MAPDA: variants seen among roughly 807,000 people sequenced by gnomAD.
MAPDA encodes N6,N6-dimethyl-AMP deaminase.
the MAPDA span, chr15:43,335,870 C>G: frequency 6.3e-7 from 1 of 1,583,082 alleles, no homozygotes; most frequent in East Asian, 2.2e-5. Context: ...TTTTCTCTAT[C>G]AGTATTTTGA....
At chr15:43,347,778 A>G in the MAPDA span, among the ~76,000 whole-genome samples, 1 of 152,260 alleles carries the variant, frequency 6.6e-6, no homozygotes, top group South Asian at 2.1e-4. Flanking sequence ...GGGGTAATGT[A>G]TAAAGGTTGA....
chr15:43,330,392 A>C, the MAPDA span: 1 of 1,585,080 alleles, frequency 6.3e-7, no homozygotes, highest in Non-Finnish European at 8.5e-7. Flanking sequence ...GGGGTCCTGC[A>C]CGTACCCGCG....
the MAPDA span, among the ~76,000 whole-genome samples, chr15:43,336,930 T>C: frequency 2.6e-5 from 4 of 152,076 alleles, no homozygotes; most frequent in Non-Finnish European, 4.4e-5. Flanking sequence ...GAGGATGATA[T>C]GGAAGAGAAA....
chr15:43,347,378 C>T, the MAPDA span, among the ~76,000 whole-genome samples: 1 of 152,066 alleles, frequency 6.6e-6, no homozygotes, highest in African/African-American at 2.4e-5. Context: ...CATGAATTTC[C>T]AACATCAGTC....
chr15:43,342,038 C>T, the MAPDA span, among the ~76,000 whole-genome samples: 2 of 152,050 alleles, frequency 1.3e-5, no homozygotes, highest in African/African-American at 4.8e-5. Context: ...AGGATTTCAC[C>T]ATGTTGGCCA....
the MAPDA span, chr15:43,340,136 A>G: frequency 3.9e-6 from 3 of 773,964 alleles, no homozygotes; most frequent in African/African-American, 3.5e-5. Context: ...AATCTCTACC[A>G]CGTGAGAAAC....
the MAPDA span, among the ~76,000 whole-genome samples, chr15:43,336,052 C>CT: frequency 6.6e-6 from 1 of 151,924 alleles, no homozygotes; most frequent in African/African-American, 2.4e-5. Flanking sequence ...TCTTTCTTTT[C>CT]TTTTTTTGAG....
At chr15:43,346,437 G>A in the MAPDA span, among the ~76,000 whole-genome samples, 2 of 152,186 alleles carry the variant, frequency 1.3e-5, no homozygotes, top group Non-Finnish European at 2.9e-5. Context: ...CCCATGCATT[G>A]TAGGATGTTT....
chr15:43,334,691 T>A, the MAPDA span, among the ~76,000 whole-genome samples: 1 of 126,652 alleles, frequency 7.9e-6, no homozygotes, highest in African/African-American at 2.6e-5. Flanking sequence ...CTTATAAAAT[T>A]TTGAATTTTT....
chr15:43,344,322 T>C, the MAPDA span, among the ~76,000 whole-genome samples: 1 of 152,310 alleles, frequency 6.6e-6, no homozygotes, highest in South Asian at 2.1e-4. Flanking sequence ...TCATATGATT[T>C]ATACTATTTT....
At chr15:43,350,838 A>T in the MAPDA span, 3 of 1,043,294 alleles carry the variant, frequency 2.9e-6, no homozygotes, top group African/African-American at 1.6e-5. Context: ...AAACTACTTT[A>T]AATTAGCAAA....
chr15:43,335,020 T>A, the MAPDA span: 1 of 1,356,788 alleles, frequency 7.4e-7, no homozygotes, highest in Non-Finnish European at 1.0e-6. Context: ...TGAAGGAAAT[T>A]CAGTACCATA....
chr15:43,351,689 G>T, the MAPDA span: 1 of 1,447,844 alleles, frequency 6.9e-7, no homozygotes, highest in Non-Finnish European at 9.2e-7. Flanking sequence ...TAAACAAAAA[G>T]ATGGTTGTTT....
At chr15:43,351,351 G>A in the MAPDA span, 1 of 332,634 alleles carries the variant, frequency 3.0e-6, no homozygotes, top group Non-Finnish European at 5.5e-6. Flanking sequence ...AAAAGGGACT[G>A]GGACATGAGA....
the MAPDA span, among the ~76,000 whole-genome samples, chr15:43,339,492 C>T: frequency 6.6e-6 from 1 of 152,202 alleles, no homozygotes; most frequent in Non-Finnish European, 1.5e-5. Flanking sequence ...TTTGCCAGGA[C>T]ACTGCACTCA....
At chr15:43,334,559 T>A in the MAPDA span, among the ~76,000 whole-genome samples, 6 of 144,218 alleles carry the variant, frequency 4.2e-5, no homozygotes, top group Non-Finnish European at 4.6e-5. Context: ...ACCCAGGAGA[T>A]AGAGGCTGCA....
chr15:43,334,429 A>G, the MAPDA span, among the ~76,000 whole-genome samples: 1 of 151,366 alleles, frequency 6.6e-6, no homozygotes. Flanking sequence ...GGAGTTCGAG[A>G]CCAGCCTGGC....
the MAPDA span, chr15:43,340,181 A>G: frequency 8.4e-7 from 1 of 1,185,706 alleles, no homozygotes; most frequent in African/African-American, 1.5e-5. Flanking sequence ...TTTAATGAAT[A>G]AAATAAAGCT....
chr15:43,330,601 T>G, the MAPDA span: 13 of 1,240,552 alleles, frequency 1.0e-5, no homozygotes, highest in African/African-American at 1.4e-4. Context: ...GCTCCTGGAC[T>G]TCCCCTTCCG....
Sources: gnomAD v4.1 joint callset for allele counts (sites outside exome capture counted in the v4.1 genomes callset) on GRCh38, gnomAD v4.1.1 for gene constraint, MANE v1.5 for transcripts, NCBI Gene and HGNC (gene_info 2026-07-23, HGNC 2026-07-21) for gene names.